Variants in ULK4 observed in about 807,000 individuals in gnomAD.
ULK4 encodes the protein unc-51 like kinase 4, also known as inactive serine/threonine-protein kinase ULK4.
Under a neutral mutation model 160.6 loss-of-function variants are expected in ULK4, and 133 were observed. The ratio of observed to expected loss-of-function variants is 0.83; its 90% CI spans 0.72 to 0.96. The LOEUF is 0.96. Ranked by LOEUF, ULK4 falls within the 40% of genes least tolerant of loss-of-function variation. The probability of loss-of-function intolerance (pLI) is 0.00; values close to 1 mark genes in which losing one functional copy is unlikely to be tolerated. For missense variants in ULK4, 1,580 were observed against 1,499.5 expected, an observed-to-expected ratio of 1.05 and a Z score of -0.89; for synonymous variants, 534 against 539.8, an observed-to-expected ratio of 0.99 and a Z score of 0.15.
chr3:41,320,339 T>G (rs1431134187), intron 35 of ULK4, among the ~76,000 whole-genome samples: 1 of 152,218 alleles, frequency 6.6e-6, no homozygotes, highest in African/African-American at 2.4e-5. Context: ...GATGCCACTA[T>G]TATTACCTTG....
intron 27 of ULK4, among the ~76,000 whole-genome samples, chr3:41,703,522 C>T (rs2036754880): frequency 6.6e-6 from 1 of 151,518 alleles, no homozygotes; most frequent in Non-Finnish European, 1.5e-5. Flanking sequence ...AGTATTTAAA[C>T]CTAATCTGAA....
chr3:41,808,616 A>G (rs1181279565), intron 19 of ULK4, among the ~76,000 whole-genome samples: 1 of 152,342 alleles, frequency 6.6e-6, no homozygotes, highest in East Asian at 1.9e-4. Flanking sequence ...AAAAGCTAAG[A>G]TTATTTTTTA....
intron 31 of ULK4, among the ~76,000 whole-genome samples, chr3:41,590,195 G>A (rs544308086): frequency 3.3e-5 from 5 of 151,562 alleles, no homozygotes; most frequent in South Asian, 2.1e-4. Context: ...GTAGAGACAG[G>A]GTTTTACCCT....
intron 3 of ULK4, chr3:41,937,315 T>C (rs1347997136): frequency 1.4e-6 from 1 of 694,566 alleles, no homozygotes. Context: ...TGTACATCCA[T>C]GGAAGTAATC....
intron 32 of ULK4, among the ~76,000 whole-genome samples, chr3:41,523,740 T>C (rs1203472484): frequency 6.6e-6 from 1 of 152,098 alleles, no homozygotes; most frequent in East Asian, 1.9e-4. Flanking sequence ...AAAAAATTAA[T>C]CATAAAATTA....
chr3:41,772,784 C>A (rs2039442072), intron 21 of ULK4, among the ~76,000 whole-genome samples: 5 of 152,272 alleles, frequency 3.3e-5, no homozygotes, highest in Admixed American at 3.3e-4. Context: ...GAATTTTAGA[C>A]CAATATCCCT....
intron 1 of ULK4, among the ~76,000 whole-genome samples, chr3:41,955,067 G>T (rs938738471): frequency 6.6e-6 from 1 of 152,150 alleles, no homozygotes; most frequent in Admixed American, 6.5e-5. Flanking sequence ...GAGGCAGGGG[G>T]ATCACCTGAG....
chr3:41,500,017 G>A (rs972896389), intron 32 of ULK4, among the ~76,000 whole-genome samples: 7 of 151,804 alleles, frequency 4.6e-5, no homozygotes, highest in Admixed American at 1.3e-4. Context: ...TGCTCTAGTC[G>A]TATTATTTTC....
At chr3:41,869,257 A>G (rs1224347918) in intron 17 of ULK4, among the ~76,000 whole-genome samples, 1 of 152,144 alleles carries the variant, frequency 6.6e-6, no homozygotes, top group Non-Finnish European at 1.5e-5. Flanking sequence ...GTAAGAACAT[A>G]TACAATATTA....
intron 35 of ULK4, among the ~76,000 whole-genome samples, chr3:41,332,134 C>CTA (rs1488950344): frequency 6.6e-6 from 1 of 151,826 alleles, no homozygotes; most frequent in Non-Finnish European, 1.5e-5. Flanking sequence ...CATTGGAAAT[C>CTA]TGAGTGTGGC....
At chr3:41,673,659 T>A (rs2035609908) in intron 29 of ULK4, among the ~76,000 whole-genome samples, 1 of 151,544 alleles carries the variant, frequency 6.6e-6, no homozygotes, top group Non-Finnish European at 1.5e-5. Context: ...CTCTTTTCAA[T>A]ACACTCAAAC....
chr3:41,630,541 T>C (rs939762623), intron 30 of ULK4, among the ~76,000 whole-genome samples: 1 of 152,216 alleles, frequency 6.6e-6, no homozygotes, highest in Non-Finnish European at 1.5e-5. Flanking sequence ...AAAGGGCTCT[T>C]ACGATTGGTC....
intron 22 of ULK4, among the ~76,000 whole-genome samples, chr3:41,749,594 T>A (rs2038546447): frequency 6.6e-6 from 1 of 152,136 alleles, no homozygotes; most frequent in Non-Finnish European, 1.5e-5. Context: ...GTTCAGTAGG[T>A]TAGATGTATT....
At chr3:41,379,248 T>TA (rs761453495) in intron 35 of ULK4, among the ~76,000 whole-genome samples, 3 of 152,040 alleles carry the variant, frequency 2.0e-5, no homozygotes, top group Non-Finnish European at 4.4e-5. Context: ...TTCAGTATCC[T>TA]AAAAAATACA....
chr3:41,421,742 G>T (rs7613050), intron 34 of ULK4, among the ~76,000 whole-genome samples: 3 of 152,084 alleles, frequency 2.0e-5, no homozygotes, highest in Non-Finnish European at 2.9e-5. Flanking sequence ...TTTAAAGTAG[G>T]TTATGGTATG....
rs2079687967 is a variant in ULK4, at chr3:41,297,236, T to G, written c.3679-47662A>C. On this transcript the variant is annotated intron_variant, in intron 35 of 36. Coordinates refer to ENST00000301831, the MANE Select transcript of ULK4 (RefSeq NM_017886.4). ...CCATCTATTTACTGTGCATGGGCTTTGTGATCCTGGACTCCTTCTGAAACC... is the reference window on the plus strand; with the variant it reads ...CCATCTATTTACTGTGCATGGGCTTGGTGATCCTGGACTCCTTCTGAAACC... 2.6e-5 allele frequency among the ~76,000 whole-genome samples: 4 copies of G among 152,206 alleles called. No homozygotes were observed. In the South Asian group the frequency reaches 8.3e-4, roughly 32 times the overall value.
intron 35 of ULK4, among the ~76,000 whole-genome samples, chr3:41,387,282 C>A (rs1186599099): frequency 5.3e-5 from 8 of 152,060 alleles, no homozygotes; most frequent in Non-Finnish European, 8.8e-5. Context: ...CTCTTTGAAA[C>A]TATTTTATTA....
At chr3:41,802,925 G>A (rs539865489) in intron 19 of ULK4, among the ~76,000 whole-genome samples, 25 of 152,266 alleles carry the variant, frequency 1.6e-4, no homozygotes, top group African/African-American at 5.5e-4. Flanking sequence ...CCAGCACTTT[G>A]GGAGGCCGAA....
At chr3:41,694,195 G>A (rs2036409114) in intron 27 of ULK4, among the ~76,000 whole-genome samples, 2 of 152,228 alleles carry the variant, frequency 1.3e-5, no homozygotes, top group Admixed American at 1.3e-4. Flanking sequence ...GAACTGTGTA[G>A]GGGACTGGAT....
Sources: allele counts gnomAD v4.1 joint callset (sites outside exome capture counted in the v4.1 genomes callset), GRCh38; gene constraint gnomAD v4.1.1; transcripts MANE v1.5; gene names NCBI Gene and HGNC (gene_info 2026-07-23, HGNC 2026-07-21).